Variants in CACNA2D3 observed in about 807,000 individuals in gnomAD.
CACNA2D3 encodes calcium voltage-gated channel auxiliary subunit alpha2delta 3.
CACNA2D3 carries 60 observed loss-of-function variants against 160.6 expected under a neutral mutation model. That is an observed-to-expected ratio of 0.37 (90% CI 0.30 to 0.46). The LOEUF (loss-of-function observed/expected upper bound fraction) is 0.46, where lower values mean the gene tolerates loss of function less well. CACNA2D3 is among the 20% of genes least tolerant of loss of function. The pLI, the probability that CACNA2D3 is intolerant of heterozygous loss-of-function variation, is 1.00. For missense variants in CACNA2D3, 1,205 were observed against 1,365.0 expected (o/e 0.88, Z 1.85); for synonymous variants, 558 against 492.9 (o/e 1.13, Z -1.75).
At chr3:54,731,576 TG>T (rs1032570236) in intron 11 of CACNA2D3, among the ~76,000 whole-genome samples, 1 of 152,194 alleles carries the variant, frequency 6.6e-6, no homozygotes, top group African/African-American at 2.4e-5. Context: ...AGAACATGTC[TG>T]GGGCTCATCT....
At chr3:54,561,827 AT>A (rs1337169731) in intron 5 of CACNA2D3, among the ~76,000 whole-genome samples, 1 of 152,206 alleles carries the variant, frequency 6.6e-6, no homozygotes, top group East Asian at 1.9e-4. Context: ...AGATTGGATA[AT>A]TTATAAAGGA....
At chr3:54,373,624 A>G (rs965915661) in intron 3 of CACNA2D3, among the ~76,000 whole-genome samples, 3 of 152,182 alleles carry the variant, frequency 2.0e-5, no homozygotes, top group South Asian at 4.1e-4. Context: ...TTCTCCTTCC[A>G]GTGCCATGGT....
intron 11 of CACNA2D3, among the ~76,000 whole-genome samples, chr3:54,747,728 T>C (rs1206535847): frequency 6.6e-6 from 1 of 152,126 alleles, no homozygotes; most frequent in Non-Finnish European, 1.5e-5. Flanking sequence ...GCAGGGACCT[T>C]GTACCTTTGG....
At chr3:54,641,001 AT>A (rs1170070532) in intron 10 of CACNA2D3, among the ~76,000 whole-genome samples, 2 of 151,050 alleles carry the variant, frequency 1.3e-5, no homozygotes, top group Admixed American at 6.6e-5. Context: ...CCTCTTGTGT[AT>A]TTTTTGAAAT....
intron 13 of CACNA2D3, among the ~76,000 whole-genome samples, chr3:54,768,115 G>A (rs952082219): frequency 6.6e-6 from 1 of 152,122 alleles, no homozygotes; most frequent in South Asian, 2.1e-4. Context: ...GATGAGCAGG[G>A]TATTTTTATG....
intron 27 of CACNA2D3, among the ~76,000 whole-genome samples, chr3:54,902,518 A>C (rs1184937864): frequency 6.6e-6 from 1 of 151,862 alleles, no homozygotes; most frequent in African/African-American, 2.4e-5. Context: ...AAGCCTGCCA[A>C]CTCTCCAGCT....
intron 2 of CACNA2D3, among the ~76,000 whole-genome samples, chr3:54,263,150 C>A (rs1702435643): frequency 6.6e-6 from 1 of 152,152 alleles, no homozygotes; most frequent in South Asian, 2.1e-4. Context: ...GTGCAACTTG[C>A]TTATTTTGTT....
intron 11 of CACNA2D3, among the ~76,000 whole-genome samples, chr3:54,683,381 A>G (rs529578831): frequency 5.4e-4 from 82 of 152,288 alleles, no homozygotes; most frequent in African/African-American, 1.9e-3. Context: ...AAAACTTTCA[A>G]TGTGGGCTTG....
intron 27 of CACNA2D3, among the ~76,000 whole-genome samples, chr3:54,943,463 A>G (rs1913914): frequency 6.6e-6 from 1 of 152,070 alleles, no homozygotes; most frequent in Non-Finnish European, 1.5e-5. Flanking sequence ...CACCAACATG[A>G]CTGTATGCCC....
chr3:54,713,471 C>T (rs935805682), intron 11 of CACNA2D3, among the ~76,000 whole-genome samples: 15 of 152,186 alleles, frequency 9.9e-5, no homozygotes, highest in Admixed American at 9.2e-4. Flanking sequence ...CCCTGGATCA[C>T]GTTGTATAGC....
chr3:54,525,829 A>G (rs1263513549), intron 5 of CACNA2D3, among the ~76,000 whole-genome samples: 4 of 150,516 alleles, frequency 2.7e-5, no homozygotes, highest in African/African-American at 9.8e-5. Context: ...TTGCGTTTAT[A>G]TGAATTGGAG....
intron 26 of CACNA2D3, 162 bp downstream of exon 26, chr3:54,897,032 A>G (rs1575538453): frequency 4.2e-6 from 3 of 716,050 alleles, no homozygotes; most frequent in Non-Finnish European, 2.3e-6. Context: ...GACCAGTTCC[A>G]TAAGAGTAAT....
At position 54,122,652 on chromosome 3, in the gene CACNA2D3, C is replaced by G. The variant is rs542810213; in HGVS notation, c.-62C>G. The G allele has an allele frequency of 5.0e-6, 5 of 993,666 alleles. No homozygotes were observed. Among genetic ancestry groups the G allele is most frequent in the South Asian group, 4.6e-5 (1 of 21,822 alleles). The allele number at this position is 993,666 out of a possible 1,614,324, so 61.6% of individuals were successfully genotyped here. A position where few individuals can be genotyped will look rare whatever the true frequency, so the allele number is the denominator to read the frequency against. ...CCGCGCGCTCGCCCACCGCCCGCTC[C>G]GCGCAGCTCCCCGCGGCCGCTCTCG... On this transcript the variant is annotated 5_prime_UTR_variant, in exon 1 of 38. Coordinates refer to ENST00000474759, the MANE Select transcript of CACNA2D3 (RefSeq NM_018398.3).
chr3:54,564,154 C>T (rs1254884632), intron 6 of CACNA2D3, among the ~76,000 whole-genome samples: 2 of 152,278 alleles, frequency 1.3e-5, no homozygotes, highest in African/African-American at 2.4e-5. Flanking sequence ...CCTGGGTAGC[C>T]AACCGTCTCG....
chr3:54,808,705 A>G (rs1703201368), intron 13 of CACNA2D3, among the ~76,000 whole-genome samples: 1 of 152,130 alleles, frequency 6.6e-6, no homozygotes, highest in Non-Finnish European at 1.5e-5. Context: ...CACCTGTAAA[A>G]TTGTAGTAAT....
chr3:54,679,106 C>T (rs1700297884), intron 11 of CACNA2D3, among the ~76,000 whole-genome samples: 1 of 152,176 alleles, frequency 6.6e-6, no homozygotes, highest in Non-Finnish European at 1.5e-5. Context: ...CCCTTTAAGA[C>T]CCAAACTCCT....
chr3:54,402,239 C>G (rs1433827453), intron 4 of CACNA2D3, among the ~76,000 whole-genome samples: 1 of 151,676 alleles, frequency 6.6e-6, no homozygotes, highest in East Asian at 1.9e-4. Flanking sequence ...TGTGAAACAA[C>G]CAGAATACAG....
chr3:54,278,315 TG>T (rs1244305437), intron 2 of CACNA2D3, among the ~76,000 whole-genome samples: 4 of 152,150 alleles, frequency 2.6e-5, no homozygotes, highest in Non-Finnish European at 5.9e-5. Flanking sequence ...GTTAGAATGG[TG>T]ATCATTAAAA....
At chr3:54,998,442 A>G (rs371323882) in intron 31 of CACNA2D3, among the ~76,000 whole-genome samples, 35 of 152,232 alleles carry the variant, frequency 2.3e-4, no homozygotes, top group African/African-American at 7.9e-4. Context: ...CCTTTAATCA[A>G]TTAATTCTTA....
Sources: gnomAD v4.1 joint callset for allele counts (sites outside exome capture counted in the v4.1 genomes callset) on GRCh38, gnomAD v4.1.1 for gene constraint, MANE v1.5 for transcripts, NCBI Gene and HGNC (gene_info 2026-07-23, HGNC 2026-07-21) for gene names.